The following KLF12 variants were observed in gnomAD, a reference collection of about 807,000 sequenced individuals.
The protein encoded by KLF12 is Krueppel-like factor 12.
A neutral mutation model predicts 37.8 loss-of-function variants in KLF12; 9 were observed. That is an observed-to-expected ratio of 0.24 (90% CI 0.14 to 0.42). KLF12 has a LOEUF of 0.42. KLF12 is among the 10% of genes least tolerant of loss of function. The pLI is 1.00. For missense variants in KLF12, 411 were observed against 516.0 expected, an observed-to-expected ratio of 0.80 and a Z score of 1.97; for synonymous variants, 208 against 202.1, an observed-to-expected ratio of 1.03 and a Z score of -0.25.
chr13:74,163,489 A>G, the KLF12 span, among the ~76,000 whole-genome samples: 3 of 152,216 alleles, frequency 2.0e-5, no homozygotes, highest in African/African-American at 7.2e-5. Flanking sequence ...ACAGAAAGAC[A>G]AACATCTCAT....
chr13:73,763,964 G>A (rs1342418100), intron 6 of KLF12, among the ~76,000 whole-genome samples: 2 of 152,056 alleles, frequency 1.3e-5, no homozygotes, highest in Admixed American at 6.6e-5. Flanking sequence ...TAGATTTCGT[G>A]GGGGAAGGGA....
intron 1 of KLF12, among the ~76,000 whole-genome samples, chr13:74,004,944 A>C (rs1448829398): frequency 6.6e-6 from 1 of 152,154 alleles, no homozygotes; most frequent in Non-Finnish European, 1.5e-5. Context: ...AGACAAAAAA[A>C]AAAAAGGGAA....
rs1892070651 is a variant in KLF12, at chr13:73,995,082, G to A, written c.-31-29C>T. 2.7e-6 allele frequency: 4 copies of A among 1,488,302 alleles called. No individual in the cohort carries two copies. In the Admixed American group the frequency reaches 7.2e-5, roughly 27 times the overall value. 92.2% of individuals were successfully genotyped at this position (1,488,302 alleles called of 1,614,324 possible). On this transcript the variant is annotated intron_variant, in intron 1 of 7. Transcript: ENST00000377669. The stretch of plus-strand genomic sequence containing the variant: ...CAAGAAAAACACAAAGACAAATGAT[G>A]AGAGAAAGTTCTACAACTTGATGTT...
intron 1 of KLF12, among the ~76,000 whole-genome samples, chr13:74,071,625 G>A (rs928208890): frequency 5.9e-5 from 9 of 152,086 alleles, no homozygotes; most frequent in South Asian, 2.1e-4. Context: ...CTCGGGAGGC[G>A]GAGCTTGCAG....
At chr13:73,735,819 T>A (rs1877412143) in intron 6 of KLF12, among the ~76,000 whole-genome samples, 1 of 152,120 alleles carries the variant, frequency 6.6e-6, no homozygotes, top group African/African-American at 2.4e-5. Flanking sequence ...CCACGTCACA[T>A]AAAAACTGAG....
chr13:73,882,453 A>G (rs987940752), intron 3 of KLF12, among the ~76,000 whole-genome samples: 2 of 152,198 alleles, frequency 1.3e-5, no homozygotes, highest in African/African-American at 4.8e-5. Context: ...AGATTTAAGG[A>G]AGTAAATAAT....
intron 6 of KLF12, among the ~76,000 whole-genome samples, chr13:73,724,834 G>C (rs1157733288): frequency 1.3e-5 from 2 of 152,180 alleles, no homozygotes; most frequent in Admixed American, 1.3e-4. Context: ...TTGACCCCTA[G>C]AGCTAAGACT....
intron 3 of KLF12, among the ~76,000 whole-genome samples, chr13:73,930,324 A>G (rs1889606948): frequency 6.6e-6 from 1 of 152,192 alleles, no homozygotes; most frequent in Non-Finnish European, 1.5e-5. Flanking sequence ...TGGCCACATC[A>G]TATGTCATAC....
At chr13:73,710,378 C>CTCTGTG (rs1216928981) in intron 7 of KLF12, among the ~76,000 whole-genome samples, 4 of 143,896 alleles carry the variant, frequency 2.8e-5, no homozygotes, top group African/African-American at 1.0e-4. Context: ...AAGATATTGT[C>CTCTGTG]TGTGTGTGTG....
intron 1 of KLF12, among the ~76,000 whole-genome samples, chr13:74,067,599 T>C (rs1873989045): frequency 6.6e-6 from 1 of 152,096 alleles, no homozygotes; most frequent in South Asian, 2.1e-4. Context: ...AGAAACTACA[T>C]ATTGAAGAAA....
At chr13:73,989,739 C>T (rs990967161) in intron 2 of KLF12, among the ~76,000 whole-genome samples, 1 of 152,158 alleles carries the variant, frequency 6.6e-6, no homozygotes, top group Non-Finnish European at 1.5e-5. Flanking sequence ...AAGCGATACT[C>T]AGGGAGAGTC....
intron 3 of KLF12, among the ~76,000 whole-genome samples, chr13:73,882,953 T>C (rs1444266504): frequency 6.6e-6 from 1 of 152,186 alleles, no homozygotes; most frequent in East Asian, 1.9e-4. Flanking sequence ...CATTTTCCTG[T>C]TCATTGTATT....
chr13:74,049,731 C>T (rs1049908838), intron 1 of KLF12, among the ~76,000 whole-genome samples: 3 of 151,994 alleles, frequency 2.0e-5, no homozygotes, highest in African/African-American at 7.2e-5. Context: ...AGAATGAGAG[C>T]TAAAGAGAGA....
the KLF12 span, among the ~76,000 whole-genome samples, chr13:74,174,490 C>T: frequency 6.6e-6 from 1 of 150,908 alleles, no homozygotes; most frequent in Non-Finnish European, 1.5e-5. Flanking sequence ...CTGCCCACCT[C>T]GGCCTCCCAA....
chr13:74,119,970 C>G (rs542112219), intron 1 of KLF12, among the ~76,000 whole-genome samples: 30 of 150,794 alleles, frequency 2.0e-4, no homozygotes, highest in Admixed American at 1.4e-3. Context: ...AAAAAAGAAA[C>G]ATTACATATA....
intron 3 of KLF12, among the ~76,000 whole-genome samples, chr13:73,872,659 A>G (rs1235647018): frequency 3.9e-5 from 6 of 152,186 alleles, no homozygotes; most frequent in Admixed American, 3.9e-4. Context: ...GCTCTTGATG[A>G]GTGCAGAATC....
chr13:74,014,253 G>A (rs1190412563), intron 1 of KLF12, among the ~76,000 whole-genome samples: 1 of 152,120 alleles, frequency 6.6e-6, no homozygotes, highest in Non-Finnish European at 1.5e-5. Flanking sequence ...CCAGCCCAGT[G>A]GATAGAGGAC....
intron 1 of KLF12, among the ~76,000 whole-genome samples, chr13:74,010,622 A>G (rs1375367945): frequency 6.6e-6 from 1 of 152,088 alleles, no homozygotes; most frequent in Non-Finnish European, 1.5e-5. Context: ...TGTAGTTATT[A>G]TTTTTTCTTA....
chr13:73,776,447 G>C (rs924095855), intron 5 of KLF12, among the ~76,000 whole-genome samples: 1 of 152,192 alleles, frequency 6.6e-6, no homozygotes, highest in Non-Finnish European at 1.5e-5. Flanking sequence ...TACCCACAAG[G>C]CTAAAGGTAC....
Sources: gnomAD v4.1 joint callset for allele counts (sites outside exome capture counted in the v4.1 genomes callset) on GRCh38, gnomAD v4.1.1 for gene constraint, MANE v1.5 for transcripts, NCBI Gene and HGNC (gene_info 2026-07-23, HGNC 2026-07-21) for gene names.